Variants in CNTN6 observed in about 807,000 individuals in gnomAD.
CNTN6 encodes contactin-6.
A neutral mutation model predicts 122.8 loss-of-function variants in CNTN6; 137 were observed. The ratio of observed to expected loss-of-function variants is 1.12; its 90% CI spans 0.97 to 1.29. CNTN6 has a LOEUF of 1.29. CNTN6 is among the 50% of genes most tolerant of loss of function. CNTN6 has a pLI of 0.00. For missense variants in CNTN6, 1,634 were observed against 1,223.4 expected (o/e 1.34, Z -5.01); for synonymous variants, 570 against 426.0 (o/e 1.34, Z -4.16).
At chr3:1,257,350 GT>G (rs1469598300) in intron 4 of CNTN6, among the ~76,000 whole-genome samples, 3 of 152,052 alleles carry the variant, frequency 2.0e-5, no homozygotes, top group African/African-American at 7.2e-5. Flanking sequence ...CAAAGAAATT[GT>G]TTTGTAATTC....
chr3:1,363,922 T>C lies in CNTN6; in HGVS notation c.1493-8377T>C, dbSNP rs140441033. Among the ~76,000 whole-genome samples the C allele has an allele frequency of 5.3e-5, 8 of 152,050 alleles. No individual in the cohort carries two copies. In the East Asian group the frequency reaches 1.6e-3, roughly 30 times the overall value. The stretch of plus-strand genomic sequence containing the variant: ...TTTTCCACACCCTAGATAACAGTCA[T>C]CTCTTGTCTTTTTGACAGTAGCCAT... On this transcript the variant is annotated intron_variant, in intron 12 of 22. Transcript: ENST00000446702.
At chr3:1,239,470 T>G (rs1040135179) in intron 4 of CNTN6, among the ~76,000 whole-genome samples, 1 of 152,068 alleles carries the variant, frequency 6.6e-6, no homozygotes, top group African/African-American at 2.4e-5. Context: ...TAATCAAGGA[T>G]GTGAAAGACC....
chr3:1,391,304 C>G (rs1368424591), intron 20 of CNTN6, among the ~76,000 whole-genome samples: 363 of 118,588 alleles, frequency 3.1e-3, no homozygotes, highest in East Asian at 4.4e-3. Flanking sequence ...AGACAAAAAC[C>G]ACATAATTAT....
chr3:1,385,400 G>C (rs1350414422), intron 19 of CNTN6, among the ~76,000 whole-genome samples: 1 of 152,048 alleles, frequency 6.6e-6, no homozygotes, highest in African/African-American at 2.4e-5. Flanking sequence ...AATTTCCATT[G>C]TGAATTTGCA....
At chr3:1,237,607 C>T (rs2094437514) in intron 4 of CNTN6, among the ~76,000 whole-genome samples, 1 of 152,072 alleles carries the variant, frequency 6.6e-6, no homozygotes. Flanking sequence ...ATTAGGTTAT[C>T]TAAAGTTGAG....
chr3:1,315,154 T>C (rs928162374), intron 7 of CNTN6, among the ~76,000 whole-genome samples: 5 of 152,024 alleles, frequency 3.3e-5, no homozygotes, highest in African/African-American at 1.2e-4. Flanking sequence ...ATCTCCATTC[T>C]GAAGACCCCT....
chr3:1,159,375 T>C (rs942557177), intron 2 of CNTN6, among the ~76,000 whole-genome samples: 2 of 152,024 alleles, frequency 1.3e-5, no homozygotes, highest in Non-Finnish European at 2.9e-5. Context: ...TGGGACAGAC[T>C]GGAATGGAGC....
chr3:1,245,240 A>ATATATATATATAT (rs1559596129), intron 4 of CNTN6, among the ~76,000 whole-genome samples: 147 of 12,158 alleles, frequency 0.012, 34 homozygotes, highest in African/African-American at 0.019. Context: ...ATATATACAC[A>ATATATATATATAT]CACACATATA....
At chr3:1,352,504 A>C in intron 12 of CNTN6, 53 bp downstream of exon 12, 1 of 1,597,674 alleles carries the variant, frequency 6.3e-7, no homozygotes, top group Non-Finnish European at 8.6e-7. Context: ...ATGCAGGCAT[A>C]TTATGACTTG....
In CNTN6 at chr3:1,245,308, A is replaced by G. The variant is rs1169846721; in HGVS notation, c.358+17315A>G. On this transcript the variant is annotated intron_variant, in intron 4 of 22. Coordinates refer to ENST00000446702, the MANE Select transcript of CNTN6 (RefSeq NM_001289080.2). The stretch of plus-strand genomic sequence containing the variant: ...ATATATATATAACATATATATATAT[A>G]TATATATATATATATATATATATAT... 2.6e-4 allele frequency among the ~76,000 whole-genome samples: 4 copies of G among 15,654 alleles called. 1 individual carries two copies. The highest frequency in any genetic ancestry group is 3.3e-4 in the African/African-American group (1 of 3,066). 10.3% of individuals were successfully genotyped at this position (15,654 alleles called of 152,430 possible).
intron 2 of CNTN6, among the ~76,000 whole-genome samples, chr3:1,194,016 G>C (rs2093739863): frequency 6.6e-6 from 1 of 151,990 alleles, no homozygotes; most frequent in Non-Finnish European, 1.5e-5. Context: ...CAGGCCCTAT[G>C]CTAATCTCTG....
intron 11 of CNTN6, among the ~76,000 whole-genome samples, chr3:1,345,391 C>G (rs920210765): frequency 2.0e-5 from 3 of 152,122 alleles, no homozygotes; most frequent in African/African-American, 7.2e-5. Flanking sequence ...GCTGGGATTA[C>G]AGGCATGAAC....
In CNTN6 at chr3:1,401,537, G is replaced by C. The variant is rs1302011968; in HGVS notation, c.2809G>C (p.Gly937Arg). ...KTMENESEVLGYKILYRQNRQ... is the reference protein window; with the variant it reads ...KTMENESEVLRYKILYRQNRQ... ...CATGGAAAATGAGTCTGAAGTTTTG[G>C]GGTACAAGGTGAGTTTTTAGTTTTT... Residue 937 changes from glycine (G) to arginine (R), a missense_variant, in exon 21 of 23, where the codon GGG (glycine) becomes CGG (arginine). Coordinates refer to ENST00000446702, the MANE Select transcript of CNTN6 (RefSeq NM_001289080.2). 8 of 1,607,900 alleles carry C rather than the reference G, an allele frequency of 5.0e-6. No homozygotes were observed. The highest frequency in any genetic ancestry group is 1.3e-5 in the African/African-American group (1 of 74,600).
chr3:1,257,290 A>G (rs930470217), intron 4 of CNTN6, among the ~76,000 whole-genome samples: 9 of 152,212 alleles, frequency 5.9e-5, no homozygotes, highest in African/African-American at 1.9e-4. Context: ...AAATGTTCCT[A>G]TTTTTATTTT....
chr3:1,325,098 G>A (rs1021176285), intron 8 of CNTN6, among the ~76,000 whole-genome samples: 1 of 151,744 alleles, frequency 6.6e-6, no homozygotes, highest in Non-Finnish European at 1.5e-5. Flanking sequence ...CAACCCGCCT[G>A]TTTCCATGAA....
At chr3:1,270,160 C>T (rs1235264410) in intron 4 of CNTN6, among the ~76,000 whole-genome samples, 3 of 151,974 alleles carry the variant, frequency 2.0e-5, no homozygotes, top group Admixed American at 6.6e-5. Context: ...ATCCAGAAAA[C>T]GATGGTGGAA....
At chr3:1,118,857 TA>T (rs750524781) in intron 1 of CNTN6, among the ~76,000 whole-genome samples, 15 of 149,976 alleles carry the variant, frequency 1.0e-4, no homozygotes, top group African/African-American at 2.2e-4. Flanking sequence ...CAATACCTCT[TA>T]AAAAAAAAAA....
rs76355319 is a variant in CNTN6 at position 1,321,545 on chromosome 3, T to A, written c.762-105T>A. On this transcript the variant is annotated intron_variant, in intron 7 of 22. Transcript: ENST00000446702. ...GAAAACTAGTCATAATACAACAGAT[T>A]GATAGAATATTTTTCTTGAGAGTTA... 2.5e-3 allele frequency: 2,498 copies of A among 989,810 alleles called. 43 individuals carry two copies. In the African/African-American group the frequency reaches 0.037, roughly 15 times the overall value. 61.3% of individuals were successfully genotyped at this position (989,810 alleles called of 1,614,324 possible).
At chr3:1,127,437 A>C (rs2092202658) in intron 1 of CNTN6, among the ~76,000 whole-genome samples, 1 of 151,922 alleles carries the variant, frequency 6.6e-6, no homozygotes, top group African/African-American at 2.4e-5. Flanking sequence ...TACCTAGTCA[A>C]ATTTATCTGT....
Sources: allele counts gnomAD v4.1 joint callset (sites outside exome capture counted in the v4.1 genomes callset), GRCh38; gene constraint gnomAD v4.1.1; transcripts MANE v1.5; gene names NCBI Gene and HGNC (gene_info 2026-07-23, HGNC 2026-07-21).